Variants in COBLL1 observed in about 807,000 individuals in gnomAD.
The protein encoded by COBLL1 is cordon-bleu protein-like 1.
In COBLL1, 50 loss-of-function variants were observed where a neutral mutation model predicts 94.8. The ratio of observed to expected loss-of-function variants is 0.53; its 90% CI spans 0.42 to 0.67. The LOEUF (loss-of-function observed/expected upper bound fraction) is 0.67, where lower values mean the gene tolerates loss of function less well. COBLL1 is among the 30% of genes least tolerant of loss of function. The pLI is 0.00. For missense variants in COBLL1, 1,362 were observed against 1,348.7 expected (o/e 1.01, Z -0.15); for synonymous variants, 448 against 473.8 (o/e 0.95, Z 0.71).
chr2:164,676,001 A>C (rs1192303715), downstream of COBLL1, among the ~76,000 whole-genome samples: 4 of 152,224 alleles, frequency 2.6e-5, no homozygotes, highest in Non-Finnish European at 5.9e-5. Flanking sequence ...AAAAATAGGA[A>C]AGAAACCTGA....
In COBLL1 at chr2:164,722,445, T is replaced by C. The variant is rs1055859746; in HGVS notation, c.739A>G (p.Ser247Gly). Residue 247 changes from serine to glycine, a missense_variant, in exon 6 of 14, where the codon AGT becomes GGT. Transcript: ENST00000652658. ...CTTACTTGGTCTCGCTTTTTCTTAC[T>C]GCGTTGAAAAAAACTGAAAAACCCT... ...NKGFFSFFQR[S>G]KKKRDQTASA... 2 of 1,526,296 alleles carry C rather than the reference T, an allele frequency of 1.3e-6. No homozygotes were observed. The highest frequency in any genetic ancestry group is 1.8e-6 in the Non-Finnish European group (2 of 1,139,380). The allele number at this position is 1,526,296 out of a possible 1,614,324, so 94.5% of individuals were successfully genotyped here. A position where few individuals can be genotyped will look rare whatever the true frequency, so the allele number is the denominator to read the frequency against.
intron 1 of COBLL1, among the ~76,000 whole-genome samples, chr2:164,667,140 T>C (rs1009695633): frequency 2.6e-4 from 39 of 152,082 alleles, no homozygotes; most frequent in East Asian, 3.9e-4. Context: ...TCAACAGAGG[T>C]CCTGGGTGAC....
intron 2 of COBLL1, among the ~76,000 whole-genome samples, chr2:164,809,272 A>G (rs1684343485): frequency 6.6e-6 from 1 of 152,072 alleles, no homozygotes; most frequent in Admixed American, 6.6e-5. Flanking sequence ...TAGCATCCAT[A>G]AAAGCCATTT....
intron 2 of COBLL1, among the ~76,000 whole-genome samples, chr2:164,785,514 T>C (rs1394154340): frequency 6.6e-6 from 1 of 152,180 alleles, no homozygotes; most frequent in Non-Finnish European, 1.5e-5. Flanking sequence ...CTGTTTGGTT[T>C]TGGTTTCTTT....
Position 164,692,328 on chromosome 2 carries a change from C to A in COBLL1, c.3193G>T (p.Val1065Phe). 4 of 1,613,546 alleles carry A rather than the reference C, an allele frequency of 2.5e-6. No homozygotes were observed. The highest frequency in any genetic ancestry group is 3.4e-6 in the Non-Finnish European group (4 of 1,179,644). ...PTPTDGPSFT[V>F]MRQSSLTFQS... ...AATGTTAAAGAACTTTGTCTCATAA[C>A]AGTGAATGATGGGCCATCAGTTGGA... Residue 1065 changes from valine (V) to phenylalanine (F), a missense_variant, in exon 13 of 14, where the codon GTT becomes TTT. Val to Phe is a conservative substitution (Grantham distance 50, BLOSUM62 -1). Coordinates refer to ENST00000652658, the MANE Select transcript of COBLL1 (RefSeq NM_001365672.2).
At chr2:164,699,327 T>TA in intron 11 of COBLL1, 78 bp downstream of exon 11, 1 of 879,662 alleles carries the variant, frequency 1.1e-6, no homozygotes, top group South Asian at 1.3e-5. Context: ...AATGAGTTAA[T>TA]ACATATAAAG....
At chr2:164,747,994 A>C (rs1686953609) in intron 2 of COBLL1, among the ~76,000 whole-genome samples, 1 of 152,106 alleles carries the variant, frequency 6.6e-6, no homozygotes, top group Admixed American at 6.6e-5. Flanking sequence ...AACTTTGAAA[A>C]TTTAGGTCAG....
At chr2:164,782,176 A>G (rs942273891) in intron 2 of COBLL1, among the ~76,000 whole-genome samples, 8 of 152,246 alleles carry the variant, frequency 5.3e-5, no homozygotes, top group Middle Eastern at 3.4e-3. Flanking sequence ...GGCTGGCTTC[A>G]TTCTTGCAGT....
At chr2:164,690,117 A>G (rs886839949) in intron 13 of COBLL1, among the ~76,000 whole-genome samples, 1 of 152,110 alleles carries the variant, frequency 6.6e-6, no homozygotes, top group African/African-American at 2.4e-5. Context: ...GAGTTTTTAC[A>G]AATAATATTC....
chr2:164,753,553 G>C (rs1687231501), intron 2 of COBLL1, among the ~76,000 whole-genome samples: 1 of 152,068 alleles, frequency 6.6e-6, no homozygotes, highest in Admixed American at 6.6e-5. Context: ...TTCTTTTGCA[G>C]CAAAACTTCT....
chr2:164,712,733 T>C (rs866732520), intron 7 of COBLL1, among the ~76,000 whole-genome samples: 1 of 151,590 alleles, frequency 6.6e-6, no homozygotes, highest in East Asian at 1.9e-4. Context: ...TTGTATTGAA[T>C]TTGCAAAATA....
In COBLL1 at chr2:164,680,359, T is replaced by C. The variant is rs1331948041; in HGVS notation, c.*5587A>G. On this transcript the variant is annotated 3_prime_UTR_variant, in exon 14 of 14. Transcript: ENST00000652658. ...TGACATTACCAAAATTTCCTAAGTA[T>C]ATTATTTTCTGATCCCTTGAAGGTA... 6.6e-6 allele frequency: 1 copy of C among 152,090 alleles called. No homozygotes were observed. Among genetic ancestry groups the C allele is most frequent in the Non-Finnish European group, 1.5e-5 (1 of 67,998 alleles). 9.4% of individuals were successfully genotyped at this position (152,090 alleles called of 1,614,324 possible).
chr2:164,750,967 C>T (rs952601325), intron 2 of COBLL1, among the ~76,000 whole-genome samples: 2 of 152,138 alleles, frequency 1.3e-5, no homozygotes, highest in African/African-American at 4.8e-5. Context: ...AGTTTCAATG[C>T]CCCATGTAAT....
chr2:164,745,207 A>G (rs1686803640), intron 2 of COBLL1, among the ~76,000 whole-genome samples: 3 of 152,174 alleles, frequency 2.0e-5, no homozygotes, highest in African/African-American at 4.8e-5. Flanking sequence ...CTCCTTTAAC[A>G]TATGACTCAT....
Position 164,841,054 on chromosome 2 carries a change from G to C in COBLL1, c.41+102C>G, listed in dbSNP as rs979567305. 8.5e-6 allele frequency: 10 copies of C among 1,172,354 alleles called. No homozygotes were observed. Among genetic ancestry groups the C allele is most frequent in the Admixed American group, 8.5e-5 (2 of 23,418 alleles). The allele number at this position is 1,172,354 out of a possible 1,614,324, so 72.6% of individuals were successfully genotyped here. A position where few individuals can be genotyped will look rare whatever the true frequency, so the allele number is the denominator to read the frequency against. ...AGGACAGTCAGTGAGTCAGGCCGCC[G>C]GCAGGGCAGCGAGTTGCCAGCCAGG... On this transcript the variant is annotated intron_variant, in intron 2 of 13. Transcript: ENST00000652658. This position sits in a 1 kb window ranked among gnomAD's most constrained non-coding sequence, Gnocchi z 5.5.
intron 2 of COBLL1, among the ~76,000 whole-genome samples, chr2:164,777,947 C>T (rs903536731): frequency 6.6e-6 from 1 of 152,318 alleles, no homozygotes; most frequent in Admixed American, 6.5e-5. Context: ...ATTTGCCCTG[C>T]TAAACACAGC....
chr2:164,694,578 G>A lies in COBLL1; in HGVS notation c.2814C>T (p.Val938=), dbSNP rs749788711. ...QPLVEKTDDD[V]IGQAPAEASP... ...AGGCTTCAGCAGGAGCCTGACCGATGACATCATCATCAGTTTTTTCAACAA... is the reference window on the plus strand; with the variant it reads ...AGGCTTCAGCAGGAGCCTGACCGATAACATCATCATCAGTTTTTTCAACAA... The change falls in exon 12 of 14, where the codon GTC becomes GTT. Residue 938 remains valine (V), a synonymous_variant. Transcript: ENST00000652658. 14 of 1,613,948 alleles carry A rather than the reference G, an allele frequency of 8.7e-6. No individual in the cohort carries two copies. The South Asian group carries it at 1.5e-4, about 18-fold the overall frequency.
intron 2 of COBLL1, among the ~76,000 whole-genome samples, chr2:164,752,886 G>A (rs1687198376): frequency 6.6e-6 from 1 of 152,106 alleles, no homozygotes; most frequent in Admixed American, 6.6e-5. Context: ...CAAAATACAG[G>A]TATTGAACAA....
intron 3 of COBLL1, among the ~76,000 whole-genome samples, chr2:164,740,850 A>AAT (rs1313801962): frequency 1.3e-5 from 2 of 152,154 alleles, no homozygotes; most frequent in African/African-American, 4.8e-5. Flanking sequence ...GAGCTATATA[A>AAT]ACTAACTGGA....
Sources: allele counts gnomAD v4.1 joint callset (sites outside exome capture counted in the v4.1 genomes callset), GRCh38; gene constraint gnomAD v4.1.1; non-coding constraint Gnocchi (gnomAD v3.1); transcripts MANE v1.5; gene names NCBI Gene and HGNC (gene_info 2026-07-23, HGNC 2026-07-21).